The following IQSEC1 variants were observed in gnomAD, a reference collection of about 807,000 sequenced individuals.
IQSEC1 encodes the protein IQ motif and SEC7 domain-containing protein 1.
Under a neutral mutation model 91.0 loss-of-function variants are expected in IQSEC1, and 31 were observed. The ratio of observed to expected loss-of-function variants is 0.34; its 90% CI spans 0.26 to 0.46. IQSEC1 has a LOEUF of 0.46. Ranked by LOEUF, IQSEC1 falls within the 20% of genes least tolerant of loss-of-function variation. The probability of loss-of-function intolerance (pLI) is 1.00; values close to 1 mark genes in which losing one functional copy is unlikely to be tolerated. For synonymous variants in IQSEC1, 699 were observed against 662.6 expected, an observed-to-expected ratio of 1.05 and a Z score of -0.84; for missense variants, 1,388 against 1,575.6, an observed-to-expected ratio of 0.88 and a Z score of 2.02.
chr3:12,982,145 C>A (rs1701494018), intron 1 of IQSEC1, among the ~76,000 whole-genome samples: 1 of 152,166 alleles, frequency 6.6e-6, no homozygotes, highest in South Asian at 2.1e-4. Context: ...CACTGTTCTG[C>A]CAAAATCCCC....
At position 12,900,383 on chromosome 3, in the gene IQSEC1, C is replaced by T; in HGVS notation, c.*600G>A. On this transcript the variant is annotated 3_prime_UTR_variant, in exon 14 of 14. Transcript: ENST00000613206. ...TCTTCCTATTAGGTAAGTGGAGCTC[C>T]TTGTAAGGTGGGTATTGCTAATGTG... is the stretch of plus-strand genomic sequence containing the variant. 2 of 984,644 alleles carry T rather than the reference C, an allele frequency of 2.0e-6. No homozygotes were observed. Among genetic ancestry groups the T allele is most frequent in the Non-Finnish European group, 2.4e-6 (2 of 829,818 alleles). The allele number at this position is 984,644 out of a possible 1,614,324, so 61.0% of individuals were successfully genotyped here.
chr3:12,913,316 C>T, intron 9 of IQSEC1, 112 bp downstream of exon 9: 2 of 1,194,212 alleles, frequency 1.7e-6, no homozygotes, highest in Non-Finnish European at 2.3e-6. Context: ...GGCAAACCCT[C>T]CCTTTTGCAC....
intron 3 of IQSEC1, among the ~76,000 whole-genome samples, chr3:12,928,591 C>T (rs1488703246): frequency 2.0e-5 from 3 of 152,184 alleles, no homozygotes; most frequent in Non-Finnish European, 2.9e-5. Context: ...GCCATTGGGA[C>T]CTTGCTACCC....
chr3:13,190,758 C>T (rs145513499), intron 1 of IQSEC1, among the ~76,000 whole-genome samples: 2 of 152,312 alleles, frequency 1.3e-5, no homozygotes, highest in Non-Finnish European at 2.9e-5. Context: ...TGTCTACATA[C>T]ATAAACACTG....
intron 2 of IQSEC1, among the ~76,000 whole-genome samples, chr3:13,152,172 A>C (rs1707011536): frequency 6.6e-6 from 1 of 152,146 alleles, no homozygotes; most frequent in African/African-American, 2.4e-5. Context: ...TCTCTTGGAA[A>C]ACGTATGCGG....
At chr3:12,918,719 G>A (rs1244105700) in intron 6 of IQSEC1, among the ~76,000 whole-genome samples, 1 of 152,202 alleles carries the variant, frequency 6.6e-6, no homozygotes, top group African/African-American at 2.4e-5. Context: ...CTACCTGGCA[G>A]GCTGAGGCAG....
At chr3:13,208,929 C>T (rs567137722) in intron 1 of IQSEC1, among the ~76,000 whole-genome samples, 2 of 152,298 alleles carry the variant, frequency 1.3e-5, no homozygotes, top group Non-Finnish European at 2.9e-5. Flanking sequence ...TGACCAGGGG[C>T]CAGTTCAAAG....
At chr3:13,110,805 C>T (rs1468049690) in intron 2 of IQSEC1, among the ~76,000 whole-genome samples, 2 of 152,180 alleles carry the variant, frequency 1.3e-5, no homozygotes, top group African/African-American at 2.4e-5. Context: ...CTTCCTGTCA[C>T]GGGTGTGGAG....
At chr3:13,203,102 G>T (rs1694273929) in intron 1 of IQSEC1, among the ~76,000 whole-genome samples, 1 of 152,168 alleles carries the variant, frequency 6.6e-6, no homozygotes, top group Admixed American at 6.5e-5. Flanking sequence ...CAGGAGGTGG[G>T]AAGGACGGAG....
At chr3:13,014,932 C>G (rs1255408604) in intron 1 of IQSEC1, among the ~76,000 whole-genome samples, 1 of 152,152 alleles carries the variant, frequency 6.6e-6, no homozygotes, top group Non-Finnish European at 1.5e-5. Context: ...GGGAAATGGC[C>G]CCAGCGAGCC....
intron 2 of IQSEC1, among the ~76,000 whole-genome samples, chr3:13,105,237 G>A (rs1309246328): frequency 1.3e-5 from 2 of 152,006 alleles, no homozygotes; most frequent in Non-Finnish European, 2.9e-5. Context: ...CTAGGAAGTG[G>A]GCCCTGATCC....
chr3:13,117,379 G>C (rs1014983452), intron 2 of IQSEC1, among the ~76,000 whole-genome samples: 2 of 150,862 alleles, frequency 1.3e-5, no homozygotes, highest in African/African-American at 4.9e-5. Context: ...GAGGTCAGGA[G>C]ATCGAGATCA....
At chr3:13,063,180 C>T (rs1705126885) in intron 1 of IQSEC1, among the ~76,000 whole-genome samples, 1 of 152,232 alleles carries the variant, frequency 6.6e-6, no homozygotes, top group African/African-American at 2.4e-5. Context: ...CTGGCTTCCC[C>T]ACTGCCCTGT....
chr3:13,108,772 A>C (rs1706194142), intron 2 of IQSEC1, among the ~76,000 whole-genome samples: 1 of 152,200 alleles, frequency 6.6e-6, no homozygotes, highest in African/African-American at 2.4e-5. Context: ...GTGAATCAAA[A>C]AGGGTAAGTC....
chr3:12,984,626 T>A (rs1701634006), intron 1 of IQSEC1, among the ~76,000 whole-genome samples: 1 of 152,090 alleles, frequency 6.6e-6, no homozygotes. Flanking sequence ...TGTAGCCACA[T>A]GGAACCACCT....
At chr3:13,184,575 G>A (rs1280006851) in intron 1 of IQSEC1, among the ~76,000 whole-genome samples, 5 of 152,098 alleles carry the variant, frequency 3.3e-5, no homozygotes, top group Non-Finnish European at 5.9e-5. Context: ...CCTATCTAAC[G>A]TCACCCCACA....
chr3:13,076,265 C>T (rs1189199734), upstream of IQSEC1, among the ~76,000 whole-genome samples: 1 of 152,164 alleles, frequency 6.6e-6, no homozygotes, highest in Non-Finnish European at 1.5e-5. Flanking sequence ...GTTTTCATCC[C>T]CTGGAGTTTC....
chr3:13,220,532 C>T (rs1447655391), intron 1 of IQSEC1, among the ~76,000 whole-genome samples: 4 of 152,228 alleles, frequency 2.6e-5, no homozygotes, highest in African/African-American at 9.6e-5. Context: ...GCTTCTGAGT[C>T]CCAGGGAAGA....
At chr3:12,966,171 C>G (rs867596389) in intron 1 of IQSEC1, among the ~76,000 whole-genome samples, 3 of 152,184 alleles carry the variant, frequency 2.0e-5, no homozygotes, top group African/African-American at 4.8e-5. Context: ...GACAGATGGT[C>G]TTGCAGCTGC....
Sources: gnomAD v4.1 joint callset for allele counts (sites outside exome capture counted in the v4.1 genomes callset) on GRCh38, gnomAD v4.1.1 for gene constraint, MANE v1.5 for transcripts, NCBI Gene and HGNC (gene_info 2026-07-23, HGNC 2026-07-21) for gene names.